The following JPH3 variants were observed in gnomAD, a reference collection of about 807,000 sequenced individuals.
JPH3 encodes the protein junctophilin 3, also known as junctophilin-3.
In JPH3, 11 loss-of-function variants were observed where a neutral mutation model predicts 59.6. The ratio of observed to expected loss-of-function variants is 0.18; its 90% confidence interval spans 0.12 to 0.31. The LOEUF (loss-of-function observed/expected upper bound fraction) is 0.31. JPH3 is among the 10% of genes least tolerant of loss of function. JPH3 has a pLI of 1.00. For missense variants in JPH3, 1,202 were observed against 1,105.7 expected, an observed-to-expected ratio of 1.09 and a Z score of -1.24; for synonymous variants, 673 against 483.6, an observed-to-expected ratio of 1.39 and a Z score of -5.14.
Position 87,689,825 on chromosome 16 carries a change from C to CCGCCCG in JPH3, c.1473_1478dup (p.Pro492_Ala493dup), listed in dbSNP as rs1283544966. On this transcript the variant is annotated inframe_insertion, in exon 4 of 5. Coordinates refer to ENST00000284262, the MANE Select transcript of JPH3 (RefSeq NM_020655.4). ...CCCCACCAGCCCCGCGGCCACCCCG[C>CCGCCCG]CGCCCGCGCCCGCCGCCAGGAACAA... 3 of 1,548,356 alleles carry CCGCCCG rather than the reference C, an allele frequency of 1.9e-6. No individual in the cohort carries two copies. The highest frequency in any genetic ancestry group is 2.6e-6 in the Non-Finnish European group (3 of 1,149,154).
intron 1 of JPH3, among the ~76,000 whole-genome samples, chr16:87,609,473 G>A (rs932504204): frequency 2.6e-5 from 4 of 152,172 alleles, no homozygotes; most frequent in Non-Finnish European, 4.4e-5. Context: ...TGCCATGTTG[G>A]CCAGGCTGGT....
At chr16:87,683,708 GC>G (rs1360320203) in intron 2 of JPH3, among the ~76,000 whole-genome samples, 1 of 152,090 alleles carries the variant, frequency 6.6e-6, no homozygotes, top group African/African-American at 2.4e-5. Flanking sequence ...CCAGATTCAA[GC>G]AATCCTCCTG....
At position 87,677,225 on chromosome 16, in the gene JPH3, C is replaced by CACAA. The variant is rs1271128667; in HGVS notation, c.1161-6916_1161-6915insCAAA. On this transcript the variant is annotated intron_variant, in intron 2 of 4. Transcript: ENST00000284262. Reference sequence around the variant, plus strand: ...ACACACACACACACACACACACACACAAAAAAAAAAATTAGCCGGGTGTGG... The same window carrying CACAA: ...ACACACACACACACACACACACACACACAAAAAAAAAAAAATTAGCCGGGTGTGG... 2.5e-3 allele frequency among the ~76,000 whole-genome samples: 207 copies of CACAA among 81,720 alleles called. 2 individuals are homozygous for CACAA. The highest frequency in any genetic ancestry group is 8.2e-3 in the African/African-American group (190 of 23,272). 53.6% of individuals were successfully genotyped at this position (81,720 alleles called of 152,430 possible).
At chr16:87,602,268 C>T (rs1192491821), upstream of JPH3, 6 of 141,938 alleles carry the variant, frequency 4.2e-5, 1 homozygote, top group African/African-American at 1.3e-4. Flanking sequence ...GGCTGGACCC[C>T]GGTTTCCAGT....
intron 3 of JPH3, among the ~76,000 whole-genome samples, chr16:87,685,964 T>C (rs1024521347): frequency 2.0e-5 from 3 of 152,026 alleles, no homozygotes; most frequent in East Asian, 1.9e-4. Flanking sequence ...TCAGCCTGGA[T>C]TGGGGTGAGT....
intron 1 of JPH3, among the ~76,000 whole-genome samples, chr16:87,624,987 CAG>C (rs2031318079): frequency 6.6e-6 from 1 of 152,122 alleles, no homozygotes; most frequent in African/African-American, 2.4e-5. Flanking sequence ...TTAGTAGAGA[CAG>C]GGTATCAACA....
chr16:87,679,148 C>T (rs535398754), intron 2 of JPH3, among the ~76,000 whole-genome samples: 3 of 152,332 alleles, frequency 2.0e-5, no homozygotes, highest in South Asian at 2.1e-4. Flanking sequence ...GAGAGCTCCT[C>T]GACCTCCTGC....
intron 3 of JPH3, among the ~76,000 whole-genome samples, chr16:87,688,796 C>A (rs143108391): frequency 6.6e-6 from 1 of 152,196 alleles, no homozygotes; most frequent in East Asian, 1.9e-4. Flanking sequence ...AGAAGCGCCG[C>A]GTTCTTGGGT....
intron 2 of JPH3, among the ~76,000 whole-genome samples, chr16:87,658,210 C>T (rs1483055494): frequency 1.3e-5 from 2 of 152,174 alleles, no homozygotes; most frequent in African/African-American, 4.8e-5. Context: ...CTATAGCGAC[C>T]TCCTGAGGTC....
intron 1 of JPH3, among the ~76,000 whole-genome samples, chr16:87,637,211 A>C (rs909117446): frequency 1.3e-5 from 2 of 152,226 alleles, no homozygotes; most frequent in Non-Finnish European, 2.9e-5. Context: ...ATAGTATAAA[A>C]TTCACATTTT....
chr16:87,669,942 G>C lies in JPH3; in HGVS notation c.1161-14200G>C, dbSNP rs930549655. On this transcript the variant is annotated intron_variant, in intron 2 of 4. Transcript: ENST00000284262. ...CACATGGGGCTCAGAGGCCGTGGGT[G>C]TGCCTGCCCGCCTGTGTCAGCTCCA... Among the ~76,000 whole-genome samples, 3 of 152,168 alleles carry C rather than the reference G, an allele frequency of 2.0e-5. No individual in the cohort carries two copies. In the South Asian group the frequency reaches 6.2e-4, roughly 31 times the overall value.
At chr16:87,654,376 T>A (rs887584449) in intron 2 of JPH3, 1 of 152,234 alleles carries the variant, frequency 6.6e-6, no homozygotes, top group Non-Finnish European at 1.5e-5. Flanking sequence ...GTTGGAATGG[T>A]GAGTTCCCTG....
intron 1 of JPH3, among the ~76,000 whole-genome samples, chr16:87,627,351 A>G (rs1302214401): frequency 1.3e-5 from 2 of 152,194 alleles, no homozygotes; most frequent in Non-Finnish European, 2.9e-5. Flanking sequence ...TCTTGGCGCT[A>G]TTGTAACGAT....
At chr16:87,682,726 A>G (rs986916251) in intron 2 of JPH3, among the ~76,000 whole-genome samples, 1 of 152,204 alleles carries the variant, frequency 6.6e-6, no homozygotes, top group Non-Finnish European at 1.5e-5. Context: ...AACCGTGAAC[A>G]GGAGACCTCC....
chr16:87,617,853 C>T (rs1483812829), intron 1 of JPH3, among the ~76,000 whole-genome samples: 3 of 151,958 alleles, frequency 2.0e-5, no homozygotes, highest in East Asian at 1.9e-4. Context: ...CTCCCACTCC[C>T]GGTGGCATTG....
intron 1 of JPH3, among the ~76,000 whole-genome samples, chr16:87,629,881 T>C (rs2031506821): frequency 6.6e-6 from 1 of 150,834 alleles, no homozygotes; most frequent in Non-Finnish European, 1.5e-5. Context: ...TACCACAAGA[T>C]GCTAATATCA....
At position 87,644,478 on chromosome 16, in the gene JPH3, C is replaced by A. The variant is rs2032069654; in HGVS notation, c.603C>A (p.His201Gln). ...VSRGGFVLVAHSDSEILKSKK... is the reference protein window; with the variant it reads ...VSRGGFVLVAQSDSEILKSKK... ...GCGGGGGCTTCGTGCTCGTGGCCCA[C>A]AGTGACTCCGAGATCCTCAAGAGCA... The change falls in exon 2 of 5, where the codon CAC becomes CAA. Residue 201 changes from histidine to glutamine, a missense_variant. Physicochemically the swap from His to Gln is conservative, Grantham distance 24. Transcript: ENST00000284262. The A allele has an allele frequency of 6.2e-7, 1 of 1,612,868 alleles. No individual in the cohort carries two copies. Among genetic ancestry groups the A allele is most frequent in the East Asian group, 2.2e-5 (1 of 44,866 alleles).
chr16:87,642,179 T>G (rs927405983), intron 1 of JPH3, among the ~76,000 whole-genome samples: 2 of 147,662 alleles, frequency 1.4e-5, no homozygotes, highest in Non-Finnish European at 3.0e-5. Flanking sequence ...GACTTTGAAT[T>G]CCACACTTAG....
At chr16:87,638,140 G>A (rs1482558778) in intron 1 of JPH3, among the ~76,000 whole-genome samples, 9 of 152,104 alleles carry the variant, frequency 5.9e-5, no homozygotes, top group African/African-American at 1.4e-4. Flanking sequence ...GGCTGGTCTC[G>A]AACTCCTGAC....
Sources: allele counts gnomAD v4.1 joint callset (sites outside exome capture counted in the v4.1 genomes callset), GRCh38; gene constraint gnomAD v4.1.1; transcripts MANE v1.5; gene names NCBI Gene and HGNC (gene_info 2026-07-23, HGNC 2026-07-21).